EPC1: variants seen among roughly 807,000 people sequenced by gnomAD.
EPC1 encodes the protein enhancer of polycomb 1.
A neutral mutation model predicts 98.4 loss-of-function variants in EPC1; 12 were observed. The ratio of observed to expected loss-of-function variants is 0.12; its 90% CI spans 0.08 to 0.20. EPC1 has a LOEUF of 0.20. Among genes scored for constraint, EPC1 ranks in the 10% least tolerant of loss-of-function variants. The pLI, the probability that EPC1 is intolerant of heterozygous loss-of-function variation, is 1.00. For missense variants in EPC1, 729 were observed against 990.5 expected (o/e 0.74, Z 3.54); for synonymous variants, 357 against 363.9 (o/e 0.98, Z 0.21).
chr10:32,320,004 A>G (rs967398817), intron 1 of EPC1, among the ~76,000 whole-genome samples: 16 of 152,192 alleles, frequency 1.1e-4, no homozygotes, highest in South Asian at 4.1e-4. Flanking sequence ...ATTTAGGGGT[A>G]AAGTGCCACG....
chr10:32,339,172 CAA>C (rs1838172379), intron 1 of EPC1, among the ~76,000 whole-genome samples: 1 of 152,070 alleles, frequency 6.6e-6, no homozygotes, highest in Non-Finnish European at 1.5e-5. Flanking sequence ...GAGATTAACT[CAA>C]GATTTAATGA....
Position 32,291,192 on chromosome 10 carries a change from T to C in EPC1, c.946A>G (p.Met316Val). ...TTAACTTTGAACTCCTTCACATCCA[T>C]TGCTTCCTGGTGTTTAAATTGACTG... ...NSSQFKHQEA[M>V]DVKEFKVNKQ... Residue 316 changes from methionine (M) to valine (V), a missense_variant, in exon 6 of 14, where the codon ATG becomes GTG. Around this residue, in one of 6 missense-constraint regions of EPC1, gnomAD observed 390 missense variants for 438.6 expected, o/e 0.89. Transcript: ENST00000319778. 6.2e-7 allele frequency: 1 copy of C among 1,613,864 alleles called. No individual in the cohort carries two copies. The highest frequency in any genetic ancestry group is 8.5e-7 in the Non-Finnish European group (1 of 1,179,794).
At chr10:32,323,587 G>T (rs1212253735) in intron 1 of EPC1, among the ~76,000 whole-genome samples, 1 of 152,186 alleles carries the variant, frequency 6.6e-6, no homozygotes, top group Non-Finnish European at 1.5e-5. Context: ...AGCACACAAT[G>T]ATCAGAAATC....
At chr10:32,303,486 C>T (rs575387393) in intron 2 of EPC1, among the ~76,000 whole-genome samples, 18 of 152,060 alleles carry the variant, frequency 1.2e-4, no homozygotes, top group Non-Finnish European at 5.9e-5. Context: ...TAAGAAGGAA[C>T]GAACTATTCA....
intron 2 of EPC1, among the ~76,000 whole-genome samples, chr10:32,302,649 C>CAAAA (rs59397703): frequency 0.034 from 4,025 of 116,952 alleles, 348 homozygotes; most frequent in African/African-American, 0.13. Context: ...GACTCCATCT[C>CAAAA]AAAAAAAAAA....
chr10:32,335,719 C>G (rs1001486521), intron 1 of EPC1, among the ~76,000 whole-genome samples: 6 of 152,192 alleles, frequency 3.9e-5, no homozygotes, highest in African/African-American at 1.4e-4. Flanking sequence ...TTTTTAATGA[C>G]AGAATTTACA....
intron 1 of EPC1, chr10:32,345,490 A>G: frequency 1.0e-6 from 1 of 985,536 alleles, no homozygotes; most frequent in Non-Finnish European, 1.2e-6. Flanking sequence ...ACAAAATTGT[A>G]GCACACAAAT....
At chr10:32,347,816 TATA>T (rs1363084180), upstream of EPC1, among the ~76,000 whole-genome samples, 2 of 152,268 alleles carry the variant, frequency 1.3e-5, no homozygotes, top group African/African-American at 2.4e-5. Flanking sequence ...AACTTTGGAT[TATA>T]ATGTTTTATA....
Position 32,293,663 on chromosome 10 carries a change from T to C in EPC1, c.388A>G (p.Lys130Glu). ...TGCAATGGGCAGATGTCCATTTTCT[T>C]TTTCAGTTTATTCACAAATACTTCA... ...EDEVFVNKLK[K>E]KMDICPLQFE... Residue 130 changes from lysine (K) to glutamate (E), a missense_variant, in exon 3 of 14, where the codon AAG becomes GAG. Lys to Glu is a moderately conservative substitution (Grantham distance 56). Transcript: ENST00000319778. 1 of 1,613,816 alleles carries C rather than the reference T, an allele frequency of 6.2e-7. No homozygotes were observed. The highest frequency in any genetic ancestry group is 8.5e-7 in the Non-Finnish European group (1 of 1,179,860).
chr10:32,348,704 C>A (rs1431034042), upstream of EPC1, among the ~76,000 whole-genome samples: 1 of 152,176 alleles, frequency 6.6e-6, no homozygotes, highest in Non-Finnish European at 1.5e-5. Context: ...TGTATTGAGC[C>A]CTCATAGCCT....
At chr10:32,356,402 G>T (rs1029868539) in intron 1 of EPC1, among the ~76,000 whole-genome samples, 1 of 151,982 alleles carries the variant, frequency 6.6e-6, no homozygotes, top group African/African-American at 2.4e-5. Flanking sequence ...GGGATTCTTG[G>T]TGTGAAGACT....
At chr10:32,337,202 G>C (rs1838028365) in intron 1 of EPC1, among the ~76,000 whole-genome samples, 1 of 152,194 alleles carries the variant, frequency 6.6e-6, no homozygotes, top group Admixed American at 6.5e-5. Flanking sequence ...ACAGTCTTTA[G>C]AACTAATCTG....
intron 1 of EPC1, among the ~76,000 whole-genome samples, chr10:32,310,542 G>A (rs1836147744): frequency 1.3e-5 from 2 of 152,154 alleles, no homozygotes; most frequent in Admixed American, 1.3e-4. Context: ...TTTCGTAACT[G>A]TGAAACCAAA....
intron 1 of EPC1, among the ~76,000 whole-genome samples, chr10:32,324,017 G>A (rs1463398333): frequency 6.6e-6 from 1 of 152,022 alleles, no homozygotes; most frequent in Non-Finnish European, 1.5e-5. Flanking sequence ...CTCACTGCAA[G>A]CTCCGCCTCC....
intron 1 of EPC1, chr10:32,377,082 T>G (rs1040550974): frequency 1.3e-5 from 2 of 152,184 alleles, no homozygotes; most frequent in African/African-American, 4.8e-5. Flanking sequence ...GGAAAAGATA[T>G]AATCCTGCAT....
chr10:32,278,371 G>GTTTTTTTTTTTTTTTTTTTTTTT (rs58729377), intron 10 of EPC1, among the ~76,000 whole-genome samples: 1 of 102,598 alleles, frequency 9.7e-6, no homozygotes, highest in Non-Finnish European at 1.9e-5. Context: ...GTTTTTTTTT[G>GTTTTTTTTTTTTTTTTTTTTTTT]TTTTTTTTTT....
At chr10:32,317,571 G>A (rs531565612) in intron 1 of EPC1, among the ~76,000 whole-genome samples, 2 of 152,282 alleles carry the variant, frequency 1.3e-5, no homozygotes, top group African/African-American at 4.8e-5. Context: ...GAGCCTGGGA[G>A]GTGGAGGTTG....
chr10:32,376,895 A>C (rs1169705671), intron 1 of EPC1, among the ~76,000 whole-genome samples: 1 of 152,164 alleles, frequency 6.6e-6, no homozygotes, highest in African/African-American at 2.4e-5. Context: ...GGGTTCAATT[A>C]CTGATTCGTC....
intron 6 of EPC1, among the ~76,000 whole-genome samples, chr10:32,289,174 T>C (rs1836858395): frequency 6.6e-6 from 1 of 152,094 alleles, no homozygotes; most frequent in Non-Finnish European, 1.5e-5. Flanking sequence ...GGACATAAAA[T>C]TTAAATAAAT....
Sources: gnomAD v4.1 joint callset for allele counts (sites outside exome capture counted in the v4.1 genomes callset) on GRCh38, gnomAD v4.1.1 for gene constraint, gnomAD v4.1.1 regional missense constraint, MANE v1.5 for transcripts, NCBI Gene and HGNC (gene_info 2026-07-23, HGNC 2026-07-21) for gene names.